THTPA: variants seen among roughly 807,000 people sequenced by gnomAD.
THTPA encodes the protein thiamine-triphosphatase.
In THTPA, 16 loss-of-function variants were observed where a neutral mutation model predicts 16.5. The observed-to-expected ratio is 0.97, with a 90% CI of 0.66 to 1.47. THTPA has a LOEUF of 1.47. Ranked by LOEUF, THTPA falls within the 40% of genes most tolerant of loss-of-function variation. The pLI is 0.00. For missense variants in THTPA, 281 were observed against 280.9 expected, an observed-to-expected ratio of 1.00 and a Z score of 0.00; for synonymous variants, 110 against 115.5, an observed-to-expected ratio of 0.95 and a Z score of 0.30.
rs901747819 is a variant in THTPA at position 23,557,406 on chromosome 14, T to A, written c.547+102T>A. 252 of 1,087,816 alleles carry A rather than the reference T, an allele frequency of 2.3e-4. 3 individuals carry two copies. The highest frequency in any genetic ancestry group is 1.3e-3 in the Middle Eastern group (4 of 3,122). 67.4% of individuals were successfully genotyped at this position (1,087,816 alleles called of 1,614,324 possible). A position where few individuals can be genotyped will look rare whatever the true frequency, so the allele number is the denominator to read the frequency against. The stretch of plus-strand genomic sequence containing the variant: ...TGGGGGAGGGCCTCCGGATTAAAAA[T>A]TTTTTTTTTAATAGAGACAAGGTTT... On this transcript the variant is annotated intron_variant, in intron 1 of 1. Coordinates refer to ENST00000288014, the MANE Select transcript of THTPA (RefSeq NM_024328.6).
chr14:23,543,941 A>G, the THTPA span: 1 of 152,170 alleles, frequency 6.6e-6, no homozygotes, highest in African/African-American at 2.4e-5. Context: ...AGTTGCGTAA[A>G]GTCTCAATTT....
chr14:23,522,039 C>T, the THTPA span: 1 of 1,536,400 alleles, frequency 6.5e-7, no homozygotes, highest in Non-Finnish European at 8.7e-7. Flanking sequence ...TCCTCTTTGG[C>T]AAAAGCCACA....
chr14:23,520,513 G>A, the THTPA span, among the ~76,000 whole-genome samples: 1 of 152,158 alleles, frequency 6.6e-6, no homozygotes, highest in Non-Finnish European at 1.5e-5. This position sits in a 1 kb window ranked among gnomAD's most constrained non-coding sequence, Gnocchi z 8.7. Context: ...CCTTCTTCCT[G>A]GGACTGCCAA....
At chr14:23,519,148 C>T in the THTPA span, among the ~76,000 whole-genome samples, 12 of 151,652 alleles carry the variant, frequency 7.9e-5, no homozygotes, top group South Asian at 2.1e-4. Flanking sequence ...GAACATGTTG[C>T]GTGACAAGAG....
the THTPA span, among the ~76,000 whole-genome samples, chr14:23,519,132 G>A: frequency 2.0e-5 from 3 of 151,986 alleles, no homozygotes; most frequent in African/African-American, 7.3e-5. Flanking sequence ...GGTGTTAGGT[G>A]TAAAAGAACA....
the THTPA span, chr14:23,526,157 G>A: frequency 4.6e-6 from 7 of 1,536,432 alleles, no homozygotes; most frequent in African/African-American, 8.2e-5. Context: ...GATCTCCAGG[G>A]TGGAGCTCTG....
At chr14:23,512,122 T>C in the THTPA span, among the ~76,000 whole-genome samples, 2 of 152,174 alleles carry the variant, frequency 1.3e-5, no homozygotes, top group Non-Finnish European at 2.9e-5. Flanking sequence ...GGAATGTTAA[T>C]TAGCATCCAC....
chr14:23,540,270 C>T, the THTPA span, among the ~76,000 whole-genome samples: 8 of 152,272 alleles, frequency 5.3e-5, no homozygotes, highest in African/African-American at 1.9e-4. Context: ...GGATTACAGG[C>T]ATGAGCCACC....
chr14:23,523,934 G>C, the THTPA span: 1 of 1,536,188 alleles, frequency 6.5e-7, no homozygotes, highest in South Asian at 1.2e-5. This position sits in a 1 kb window ranked among gnomAD's most constrained non-coding sequence, Gnocchi z 4.1. Flanking sequence ...CTCACTGGGT[G>C]GAGGGGGAGG....
At chr14:23,551,574 T>C (rs182999286), upstream of THTPA, 1 of 152,912 alleles carries the variant, frequency 6.5e-6, no homozygotes, top group East Asian at 1.9e-4. This position sits in a 1 kb window ranked among gnomAD's most constrained non-coding sequence, Gnocchi z 5.3. Context: ...ATCAATGCTA[T>C]TTGGCTGCGG....
At chr14:23,545,252 C>CA in the THTPA span, among the ~76,000 whole-genome samples, 1 of 152,208 alleles carries the variant, frequency 6.6e-6, no homozygotes, top group African/African-American at 2.4e-5. Flanking sequence ...CCATAAGGGT[C>CA]AAAGCCAGCA....
chr14:23,548,090 C>T, the THTPA span, among the ~76,000 whole-genome samples: 1 of 152,200 alleles, frequency 6.6e-6, no homozygotes, highest in Non-Finnish European at 1.5e-5. Context: ...TAGCTTTAGT[C>T]TCCATTCCTA....
At chr14:23,533,383 G>C in the THTPA span, 1 of 1,469,388 alleles carries the variant, frequency 6.8e-7, no homozygotes, top group Non-Finnish European at 9.0e-7. This position sits in a 1 kb window ranked among gnomAD's most constrained non-coding sequence, Gnocchi z 4.8. Flanking sequence ...CCCCGGGCCA[G>C]CCAAGGGAGT....
the THTPA span, chr14:23,526,312 A>G: frequency 6.5e-7 from 1 of 1,536,226 alleles, no homozygotes; most frequent in Non-Finnish European, 8.7e-7. Context: ...AGACAGAATT[A>G]TAATGAACCA....
At chr14:23,531,370 C>A in the THTPA span, 1 of 1,311,722 alleles carries the variant, frequency 7.6e-7, no homozygotes, top group Non-Finnish European at 9.8e-7. Context: ...GTATAGGTGG[C>A]CTACAGGCCC....
chr14:23,526,944 G>C, the THTPA span: 14 of 1,526,748 alleles, frequency 9.2e-6, no homozygotes, highest in Non-Finnish European at 1.2e-5. Flanking sequence ...ACAGCACTTT[G>C]GTTGTAAATG....
In THTPA at chr14:23,557,307, G is replaced by A; in HGVS notation, c.547+3G>A. The A allele has an allele frequency of 5.7e-6, 9 of 1,585,792 alleles. No individual in the cohort carries two copies. The highest frequency in any genetic ancestry group is 7.7e-6 in the Non-Finnish European group (9 of 1,169,246). Reference sequence around the variant, plus strand: ...CCACAGGCTCAGCAGCATGCTTGGTGAGGGAGACAGGCCCTTTTGTGCTTT... The same window carrying A: ...CCACAGGCTCAGCAGCATGCTTGGTAAGGGAGACAGGCCCTTTTGTGCTTT... On this transcript the variant is annotated splice_donor_region_variant and intron_variant, in intron 1 of 1. Coordinates refer to ENST00000288014, the MANE Select transcript of THTPA (RefSeq NM_024328.6).
chr14:23,524,817 C>T, the THTPA span: 2 of 1,537,002 alleles, frequency 1.3e-6, no homozygotes, highest in Non-Finnish European at 1.7e-6. The surrounding 1 kb of genome is among the most constrained non-coding windows in gnomAD (Gnocchi z 5.6). Flanking sequence ...TCCTCCTCTT[C>T]CCCTCTCTCT....
chr14:23,552,397 A>G (rs1357670759), upstream of THTPA, among the ~76,000 whole-genome samples: 1 of 148,048 alleles, frequency 6.8e-6, no homozygotes. Context: ...GGTTCAAGCG[A>G]TTCTCCTACC....
Sources: allele counts gnomAD v4.1 joint callset (sites outside exome capture counted in the v4.1 genomes callset), GRCh38; gene constraint gnomAD v4.1.1; non-coding constraint Gnocchi (gnomAD v3.1); transcripts MANE v1.5; gene names NCBI Gene and HGNC (gene_info 2026-07-23, HGNC 2026-07-21).